Variants in HLTF observed in about 807,000 individuals in gnomAD.
The protein encoded by HLTF is helicase like transcription factor, also known as DNA-dependent ATPase/E3 ubiquitin-protein ligase HLTF.
In HLTF, 127 loss-of-function variants were observed where a neutral mutation model predicts 129.4. That is an observed-to-expected ratio of 0.98 (90% CI 0.85 to 1.14). The LOEUF is 1.14. Among genes scored for constraint, HLTF ranks in the 50% most tolerant of loss-of-function variants. The pLI, the probability that HLTF is intolerant of heterozygous loss-of-function variation, is 0.00. For synonymous variants in HLTF, 332 were observed against 388.8 expected, an observed-to-expected ratio of 0.85 and a Z score of 1.72; for missense variants, 1,139 against 1,187.1, an observed-to-expected ratio of 0.96 and a Z score of 0.60.
intron 20 of HLTF, among the ~76,000 whole-genome samples, chr3:149,040,580 T>C (rs1255192124): frequency 6.6e-6 from 1 of 152,130 alleles, no homozygotes; most frequent in Non-Finnish European, 1.5e-5. Context: ...ATAAAGCTAC[T>C]AGGATCTGTT....
chr3:149,085,726 T>C (rs935432537), intron 1 of HLTF, among the ~76,000 whole-genome samples: 1 of 152,044 alleles, frequency 6.6e-6, no homozygotes, highest in Non-Finnish European at 1.5e-5. Flanking sequence ...CCGTCGCCGG[T>C]TTAAGCATAA....
rs1218923788 is a variant in HLTF, at chr3:149,086,531, TC to T, written c.-196del. The T allele has an allele frequency of 6.2e-5, 39 of 625,006 alleles. No homozygotes were observed. Among genetic ancestry groups the T allele is most frequent in the Non-Finnish European group, 9.0e-5 (32 of 354,854 alleles). 38.7% of individuals were successfully genotyped at this position (625,006 alleles called of 1,614,324 possible). A position where few individuals can be genotyped will look rare whatever the true frequency, so the allele number is the denominator to read the frequency against. The stretch of plus-strand genomic sequence containing the variant: ...TCGACGCCGTCTCCTTCTGCAACAA[TC>T]TGGGAGACCAGCGTCGCTCTGTGAC... On this transcript the variant is annotated 5_prime_UTR_variant, in exon 1 of 25. Coordinates refer to ENST00000310053, the MANE Select transcript of HLTF (RefSeq NM_003071.4).
chr3:149,055,393 A>G lies in HLTF; in HGVS notation c.1383T>C (p.Cys461=). The part of the protein sequence containing the change: ...TKKKMLKKGA[C]AVEGSKKTDV... ...CAGTTTTCTTTGACCCCTCCACTGC[A>G]CAAGCTCCTAAAAAAATGAACCACT... Residue 461 remains cysteine, a synonymous_variant, in exon 14 of 25, where the codon TGT becomes TGC. Coordinates refer to ENST00000310053, the MANE Select transcript of HLTF (RefSeq NM_003071.4). 6.2e-7 allele frequency: 1 copy of G among 1,611,534 alleles called. No individual in the cohort carries two copies. The highest frequency in any genetic ancestry group is 8.5e-7 in the Non-Finnish European group (1 of 1,177,746).
At chr3:149,079,911 T>C (rs1719731116) in intron 2 of HLTF, among the ~76,000 whole-genome samples, 1 of 152,196 alleles carries the variant, frequency 6.6e-6, no homozygotes, top group African/African-American at 2.4e-5. Context: ...AAGTTTTTTA[T>C]ATACTGTTAA....
At chr3:149,063,343 A>C (rs910276389) in intron 10 of HLTF, 88 bp downstream of exon 10, 1 of 859,228 alleles carries the variant, frequency 1.2e-6, no homozygotes, top group African/African-American at 1.7e-5. Flanking sequence ...TACAGGTGTG[A>C]GCCACCGTGC....
chr3:149,042,155 A>G lies in HLTF; in HGVS notation c.2197+11T>C, dbSNP rs367673340. Reference sequence around the variant, plus strand: ...CAAATACAATGATATGAAGCAATCAAATTTACCTACCTGAGGGGCCATTGG... The same window carrying G: ...CAAATACAATGATATGAAGCAATCAGATTTACCTACCTGAGGGGCCATTGG... On this transcript the variant is annotated intron_variant, in intron 19 of 24. Transcript: ENST00000310053. 3 of 1,611,860 alleles carry G rather than the reference A, an allele frequency of 1.9e-6. No individual in the cohort carries two copies. Among genetic ancestry groups the G allele is most frequent in the Non-Finnish European group, 2.5e-6 (3 of 1,178,404 alleles).
At chr3:149,040,309 T>C in intron 20 of HLTF, 153 bp from the exon 21 acceptor site, 1 of 604,104 alleles carries the variant, frequency 1.7e-6, no homozygotes, top group Non-Finnish European at 2.8e-6. Flanking sequence ...AAGAGACATC[T>C]GAACATGCTG....
intron 6 of HLTF, 29 bp from the exon 7 acceptor site, chr3:149,071,472 A>G (rs771768046): frequency 6.4e-7 from 1 of 1,557,310 alleles, no homozygotes; most frequent in Non-Finnish European, 8.8e-7. Flanking sequence ...AAAGCGAAAT[A>G]CATTAAGCCA....
At chr3:149,083,402 G>A (rs1463936718) in intron 2 of HLTF, among the ~76,000 whole-genome samples, 1 of 151,996 alleles carries the variant, frequency 6.6e-6, no homozygotes, top group African/African-American at 2.4e-5. Flanking sequence ...ACACACACTA[G>A]AGTTTACCGA....
chr3:149,079,373 T>TAAAAAAAAAAAAAA (rs71135659), intron 2 of HLTF, among the ~76,000 whole-genome samples: 13 of 57,238 alleles, frequency 2.3e-4, no homozygotes, highest in Admixed American at 2.9e-4. Flanking sequence ...CGACAGTTTC[T>TAAAAAAAAAAAAAA]AAAAAAAAAA....
At chr3:149,042,377 C>CT (rs1716205492) in intron 18 of HLTF, 87 bp from the exon 19 acceptor site, 1 of 1,090,984 alleles carries the variant, frequency 9.2e-7, no homozygotes, top group African/African-American at 1.6e-5. Flanking sequence ...TGGCATTTTT[C>CT]TTTTCTTCTC....
chr3:149,052,250 T>G (rs773613750), intron 14 of HLTF: 3 of 152,006 alleles, frequency 2.0e-5, no homozygotes, highest in Non-Finnish European at 4.4e-5. Flanking sequence ...TAGATGGAGA[T>G]CTCATTAAAA....
At chr3:149,082,414 C>G (rs812820) in intron 2 of HLTF, among the ~76,000 whole-genome samples, 125,227 of 152,166 alleles carry the variant, frequency 0.82, 52,206 homozygotes, top group African/African-American at 0.96. Context: ...AGCCGAGATC[C>G]CGCCACTGCG....
At position 149,040,091 on chromosome 3, in the gene HLTF, T is replaced by G; in HGVS notation, c.2442A>C (p.Pro814=). 5 of 1,610,918 alleles carry G rather than the reference T, an allele frequency of 3.1e-6. No individual in the cohort carries two copies. Among genetic ancestry groups the G allele is most frequent in the Non-Finnish European group, 4.2e-6 (5 of 1,178,408 alleles). ...TCTCACTGTCACGTGCTAATTCTTC[T>G]GGAGGACATTCTAATAAATTATCTT... The part of the protein sequence containing the change: ...IHEDNLLECP[P]EELARDSEKK... The change falls in exon 21 of 25, where the codon CCA becomes CCC. Residue 814 remains proline, a synonymous_variant. Coordinates refer to ENST00000310053, the MANE Select transcript of HLTF (RefSeq NM_003071.4).
At chr3:149,037,197 G>A (rs763621556) in intron 23 of HLTF, among the ~76,000 whole-genome samples, 3 of 152,040 alleles carry the variant, frequency 2.0e-5, no homozygotes, top group South Asian at 2.1e-4. Context: ...CCGGCTGGGC[G>A]CGGTGGCTCA....
intron 19 of HLTF, chr3:149,041,934 A>C (rs1716164910): frequency 1.7e-6 from 1 of 581,542 alleles, no homozygotes; most frequent in South Asian, 2.3e-5. Context: ...ATCCAATATG[A>C]ATCTTTCATC....
At chr3:149,042,107 C>T (rs1576579287) in intron 19 of HLTF, 59 bp downstream of exon 19, 1 of 1,492,218 alleles carries the variant, frequency 6.7e-7, no homozygotes, top group South Asian at 1.2e-5. Context: ...AAAAATTTAT[C>T]ACTCTTATTT....
chr3:149,064,227 CCTTT>C (rs1443392714), intron 9 of HLTF, among the ~76,000 whole-genome samples: 14 of 152,222 alleles, frequency 9.2e-5, no homozygotes, highest in African/African-American at 3.1e-4. Context: ...TAACTCGCCA[CCTTT>C]CTATTTCTTT....
rs115376930 is a variant in HLTF at position 149,057,593 on chromosome 3, A to C, written c.1375+2125T>G. Among the ~76,000 whole-genome samples the C allele has an allele frequency of 5.0e-3, 754 of 152,300 alleles. 7 individuals carry two copies. The highest frequency in any genetic ancestry group is 0.018 in the African/African-American group (732 of 41,548). ...GGCCCTGGAACCAAATCCCTGACAA[A>C]TACTGAGGGATGACTGTACTGTAAT... On this transcript the variant is annotated intron_variant, in intron 13 of 24. Coordinates refer to ENST00000310053, the MANE Select transcript of HLTF (RefSeq NM_003071.4).
Sources: allele counts gnomAD v4.1 joint callset (sites outside exome capture counted in the v4.1 genomes callset), GRCh38; gene constraint gnomAD v4.1.1; transcripts MANE v1.5; gene names NCBI Gene and HGNC (gene_info 2026-07-23, HGNC 2026-07-21).